FTL: variants seen among roughly 807,000 people sequenced by gnomAD.
FTL encodes ferritin light chain.
Under a neutral mutation model 16.6 loss-of-function variants are expected in FTL, and 17 were observed. That is an observed-to-expected ratio of 1.02 (90% CI 0.70 to 1.53). FTL has a LOEUF of 1.53. FTL is among the 40% of genes most tolerant of loss of function. The probability of loss-of-function intolerance (pLI) is 0.00; values close to 1 mark genes in which losing one functional copy is unlikely to be tolerated. For synonymous variants in FTL, 73 were observed against 89.9 expected (o/e 0.81, Z 1.06); for missense variants, 186 against 226.1 (o/e 0.82, Z 1.14).
chr19:48,965,973 C>T (rs752650854), intron 2 of FTL, 57 bp downstream of exon 2: 5 of 1,595,958 alleles, frequency 3.1e-6, no homozygotes, highest in East Asian at 4.5e-5. Context: ...GCGCGAGGAG[C>T]CTTGATTTGA....
intron 3 of FTL, 39 bp downstream of exon 3, chr19:48,966,445 C>T (rs2038456412): frequency 1.2e-6 from 2 of 1,614,016 alleles, no homozygotes; most frequent in East Asian, 2.2e-5. Flanking sequence ...CAACCATACC[C>T]CTCAAGCCTC....
Position 48,966,851 on chromosome 19 carries a change from A to G in FTL, c.*116A>G. On this transcript the variant is annotated 3_prime_UTR_variant, in exon 4 of 4. Transcript: ENST00000331825. ...TCTTAACTATCCTAACAAGCCTTGG[A>G]CCAAATGGAAATAAAGCTTTTTGAT... 9.0e-7 allele frequency: 1 copy of G among 1,111,826 alleles called. No individual in the cohort carries two copies. Among genetic ancestry groups the G allele is most frequent in the Non-Finnish European group, 1.3e-6 (1 of 746,058 alleles). The allele number at this position is 1,111,826 out of a possible 1,614,324, so 68.9% of individuals were successfully genotyped here. A position where few individuals can be genotyped will look rare whatever the true frequency, so the allele number is the denominator to read the frequency against.
At chr19:48,966,146 G>A (rs1404699347) in intron 2 of FTL, 135 bp from the exon 3 acceptor site, 2 of 1,365,556 alleles carry the variant, frequency 1.5e-6, no homozygotes, top group African/African-American at 1.4e-5. Flanking sequence ...AGGACAGGGT[G>A]CGGAGAGTGA....
rs2038439449 is a variant in FTL at position 48,965,408 on chromosome 19, C to G, written c.-100C>G. On this transcript the variant is annotated 5_prime_UTR_variant, in exon 1 of 4. Transcript: ENST00000331825. ...CAGCCTCCGACCGCCCTCCGATTTC[C>G]TCTCCGCTTGCAACCTCCGGGACCA... The G allele has an allele frequency of 1.2e-6, 1 of 820,232 alleles. No homozygotes were observed. Among genetic ancestry groups the G allele is most frequent in the South Asian group, 1.3e-5 (1 of 74,248 alleles). 50.8% of individuals were successfully genotyped at this position (820,232 alleles called of 1,614,324 possible).
At chr19:48,965,652 C>G in intron 1 of FTL, 43 bp downstream of exon 1, 1 of 1,598,450 alleles carries the variant, frequency 6.3e-7, no homozygotes, top group Non-Finnish European at 8.6e-7. Flanking sequence ...CCTCCAGCTG[C>G]GCACCTCCGG....
intron 3 of FTL, 61 bp downstream of exon 3, chr19:48,966,467 G>T: frequency 6.2e-7 from 1 of 1,613,860 alleles, no homozygotes; most frequent in South Asian, 1.1e-5. Flanking sequence ...GCTCCCTTTG[G>T]GCAAATTTCC....
Position 48,965,351 on chromosome 19 carries a change from G to A in FTL, c.-157G>A, listed in dbSNP as rs1600120873. The A allele has an allele frequency of 1.5e-6, 1 of 689,404 alleles. No homozygotes were observed. The highest frequency in any genetic ancestry group is 2.6e-6 in the Non-Finnish European group (1 of 378,102). 42.7% of individuals were successfully genotyped at this position (689,404 alleles called of 1,614,324 possible). ...CGGGTCTGTCTCTTGCTTCAACAGT[G>A]TTTGGACGGAACAGATCCGGGGACT... On this transcript the variant is annotated 5_prime_UTR_variant, in exon 1 of 4. Coordinates refer to ENST00000331825, the MANE Select transcript of FTL (RefSeq NM_000146.4).
In FTL at chr19:48,965,913, C is replaced by A. The variant is rs1568612521; in HGVS notation, c.246C>A (p.Ile82=). 1.9e-6 allele frequency: 3 copies of A among 1,614,038 alleles called. No individual in the cohort carries two copies. The highest frequency in any genetic ancestry group is 2.2e-5 in the East Asian group (1 of 44,878). Residue 82 remains isoleucine (I), a synonymous_variant, in exon 2 of 4, where the codon ATC becomes ATA. Transcript: ENST00000331825. ...QRGGRALFQD[I]KKPAEDEWGK... ...GCGGCCGCGCTCTCTTCCAGGACAT[C>A]AAGGTAACTAGTGTGTGGGTAATGG...
At chr19:48,966,204 A>G in intron 2 of FTL, 77 bp from the exon 3 acceptor site, 1 of 1,605,806 alleles carries the variant, frequency 6.2e-7, no homozygotes. Flanking sequence ...TCTGACCCCC[A>G]ACGACTCTTG....
chr19:48,966,459 T>C, intron 3 of FTL, 53 bp downstream of exon 3: 1 of 1,614,012 alleles, frequency 6.2e-7, no homozygotes, highest in South Asian at 1.1e-5. Context: ...AAGCCTCTGC[T>C]CCCTTTGGGC....
intron 1 of FTL, 74 bp downstream of exon 1, chr19:48,965,683 C>T: frequency 1.2e-6 from 2 of 1,607,248 alleles, no homozygotes; most frequent in Non-Finnish European, 1.7e-6. Context: ...ACGCGCCAGC[C>T]TTCTTTGTGC....
chr19:48,965,705 C>T, intron 1 of FTL, 65 bp from the exon 2 acceptor site: 2 of 1,610,892 alleles, frequency 1.2e-6, no homozygotes, highest in Non-Finnish European at 1.7e-6. Flanking sequence ...GTCGGGTAAA[C>T]AGAGGGCGGA....
chr19:48,966,134 C>A, intron 2 of FTL, 147 bp from the exon 3 acceptor site: 2 of 1,321,856 alleles, frequency 1.5e-6, no homozygotes, highest in Non-Finnish European at 2.2e-6. Context: ...GCTGTAAGAG[C>A]TAGGACAGGG....
At position 48,965,543 on chromosome 19, in the gene FTL, C is replaced by T. The variant is rs1371771785; in HGVS notation, c.36C>T (p.Asp12=). ...SSQIRQNYST[D]VEAAVNSLVN... ...AGATTCGTCAGAATTATTCCACCGA[C>T]GTGGAGGCAGCCGTCAACAGCCTGG... is the stretch of plus-strand genomic sequence containing the variant. The change falls in exon 1 of 4, where the codon GAC becomes GAT. Residue 12 remains aspartate (D), a synonymous_variant. Coordinates refer to ENST00000331825, the MANE Select transcript of FTL (RefSeq NM_000146.4). The T allele has an allele frequency of 6.2e-7, 1 of 1,614,036 alleles. No individual in the cohort carries two copies. Among genetic ancestry groups the T allele is most frequent in the East Asian group, 2.2e-5 (1 of 44,876 alleles).
chr19:48,965,573 T>G lies in FTL; in HGVS notation c.66T>G (p.Asn22Lys). 1 of 1,614,068 alleles carries G rather than the reference T, an allele frequency of 6.2e-7. No homozygotes were observed. Among genetic ancestry groups the G allele is most frequent in the Non-Finnish European group, 8.5e-7 (1 of 1,179,930 alleles). The change falls in exon 1 of 4, where the codon AAT becomes AAG. Residue 22 changes from asparagine to lysine, a missense_variant. By Grantham distance (94) the Asn-to-Lys change is moderately conservative (BLOSUM62 0). Transcript: ENST00000331825. ...DVEAAVNSLVNLYLQASYTYL... is the reference protein window; with the variant it reads ...DVEAAVNSLVKLYLQASYTYL... ...AGGCAGCCGTCAACAGCCTGGTCAA[T>G]TTGTACCTGCAGGCCTCCTACACCT...
At chr19:48,965,695 G>T (rs1250793053) in intron 1 of FTL, 75 bp from the exon 2 acceptor site, 3 of 1,608,936 alleles carry the variant, frequency 1.9e-6, no homozygotes, top group Non-Finnish European at 2.6e-6. Context: ...TCTTTGTGCG[G>T]TCGGGTAAAC....
Position 48,965,384 on chromosome 19 carries a change from A to G in FTL, c.-124A>G. The G allele has an allele frequency of 1.4e-6, 1 of 735,886 alleles. No homozygotes were observed. The highest frequency in any genetic ancestry group is 2.6e-5 in the East Asian group (1 of 38,622). 45.6% of individuals were successfully genotyped at this position (735,886 alleles called of 1,614,324 possible). A position where few individuals can be genotyped will look rare whatever the true frequency, so the allele number is the denominator to read the frequency against. The stretch of plus-strand genomic sequence containing the variant: ...GGAACAGATCCGGGGACTCTCTTCC[A>G]GCCTCCGACCGCCCTCCGATTTCCT... On this transcript the variant is annotated 5_prime_UTR_variant, in exon 1 of 4. Coordinates refer to ENST00000331825, the MANE Select transcript of FTL (RefSeq NM_000146.4).
At chr19:48,965,742 C>T in intron 1 of FTL, 28 bp from the exon 2 acceptor site, 1 of 1,614,136 alleles carries the variant, frequency 6.2e-7, no homozygotes, top group Non-Finnish European at 8.5e-7. Context: ...CTCCCGCTAA[C>T]CATTGTTGCC....
Position 48,965,629 on chromosome 19 carries a change from CT to C in FTL, c.102+21del, listed in dbSNP as rs971895303. ...TCTCTGGTGAGTCCCCAGGACGCCC[CT>C]GGCCCTAATTTCCTCCAGCTGCGCA... is the stretch of plus-strand genomic sequence containing the variant. On this transcript the variant is annotated intron_variant, in intron 1 of 3. Coordinates refer to ENST00000331825, the MANE Select transcript of FTL (RefSeq NM_000146.4). The C allele has an allele frequency of 3.1e-6, 5 of 1,606,572 alleles. No homozygotes were observed. Among genetic ancestry groups the C allele is most frequent in the East Asian group, 2.2e-5 (1 of 44,834 alleles).
Sources: gnomAD v4.1 joint callset for allele counts on GRCh38, gnomAD v4.1.1 for gene constraint, MANE v1.5 for transcripts, NCBI Gene and HGNC (gene_info 2026-07-23, HGNC 2026-07-21) for gene names.